The following DRP2 variants were observed in gnomAD, a reference collection of about 807,000 sequenced individuals.
DRP2 encodes dystrophin related protein 2.
DRP2 carries 29 observed loss-of-function variants against 78.2 expected under a neutral mutation model. The observed-to-expected ratio is 0.37, with a 90% CI of 0.28 to 0.51. DRP2 has a LOEUF of 0.51. DRP2 is among the 20% of genes least tolerant of loss of function. DRP2 has a pLI of 0.94. For missense variants in DRP2, 686 were observed against 770.6 expected (o/e 0.89, Z 1.30); for synonymous variants, 290 against 281.9 (o/e 1.03, Z -0.29).
At chrX:101,248,026 A>C (rs1922988891) in intron 12 of DRP2, 63 bp from the exon 13 acceptor site, 4 of 1,081,327 alleles carry the variant, frequency 3.7e-6, no homozygotes, top group Non-Finnish European at 5.1e-6. Flanking sequence ...TTATCTCCTT[A>C]TTTAATCCCT....
chrX:101,233,771 C>G (rs764649811), intron 3 of DRP2, among the ~76,000 whole-genome samples: 3 of 111,978 alleles, frequency 2.7e-5, no homozygotes, highest in Non-Finnish European at 5.7e-5. Flanking sequence ...ACACAGGAGC[C>G]TCCCTGGCAA....
intron 2 of DRP2, among the ~76,000 whole-genome samples, chrX:101,226,211 G>T (rs1395116679): frequency 8.9e-6 from 1 of 112,077 alleles, no homozygotes; most frequent in Non-Finnish European, 1.9e-5. Flanking sequence ...GAATTCCATT[G>T]TATGGATACA....
intron 3 of DRP2, among the ~76,000 whole-genome samples, chrX:101,232,713 G>A (rs992918585): frequency 3.6e-5 from 4 of 111,932 alleles, no homozygotes; most frequent in African/African-American, 9.7e-5. Context: ...TTACTGCCTC[G>A]AACATATTCT....
chrX:101,252,859 G>A, intron 17 of DRP2, 143 bp downstream of exon 17: 1 of 447,115 alleles, frequency 2.2e-6, no homozygotes, highest in South Asian at 5.1e-5. Flanking sequence ...CACTGGTTTG[G>A]GAAATTCAGG....
chrX:101,248,399 T>C, intron 13 of DRP2, 109 bp downstream of exon 13: 1 of 1,093,718 alleles, frequency 9.1e-7, no homozygotes, highest in Non-Finnish European at 1.2e-6. Flanking sequence ...CCAGCTCAGC[T>C]TGGGGCATGG....
chrX:101,235,138 G>A (rs761966071), intron 3 of DRP2, among the ~76,000 whole-genome samples: 1 of 111,579 alleles, frequency 9.0e-6, no homozygotes, highest in East Asian at 2.8e-4. Context: ...CCTTACCAGT[G>A]CCCAGGAGAG....
At chrX:101,258,244 A>T in intron 21 of DRP2, 65 bp from the exon 22 acceptor site, 1 of 1,006,998 alleles carries the variant, frequency 9.9e-7, no homozygotes, top group Non-Finnish European at 1.4e-6. Flanking sequence ...CTGAGGGGAC[A>T]TCTGAAACCT....
intron 1 of DRP2, among the ~76,000 whole-genome samples, chrX:101,221,319 C>A (rs141328011): frequency 3.4e-3 from 385 of 113,081 alleles, no homozygotes; most frequent in African/African-American, 0.012. Flanking sequence ...TCAGGTAAAT[C>A]ACCTTTTAAA....
chrX:101,241,569 C>T (rs886460618), intron 6 of DRP2, 99 bp from the exon 7 acceptor site: 20 of 933,634 alleles, frequency 2.1e-5, no homozygotes, highest in Middle Eastern at 2.9e-4. Context: ...CATGTGCACA[C>T]ACACATACAC....
At position 101,251,093 on chromosome X, in the gene DRP2, A is replaced by G. The variant is rs1434079984; in HGVS notation, c.1865+10A>G. 8.4e-7 allele frequency: 1 copy of G among 1,191,559 alleles called. No homozygotes were observed. The highest frequency in any genetic ancestry group is 1.8e-5 in the African/African-American group (1 of 56,759). On this transcript the variant is annotated intron_variant, in intron 16 of 23. Coordinates refer to ENST00000395209, the MANE Select transcript of DRP2 (RefSeq NM_001939.3). ...CCATCAAGGGGTTCAGGTAGGGAAAACAATACCTGCTGGGATGATAATAAT... is the reference window on the plus strand; with the variant it reads ...CCATCAAGGGGTTCAGGTAGGGAAAGCAATACCTGCTGGGATGATAATAAT...
chrX:101,256,221 G>A lies in DRP2; in HGVS notation c.2350G>A (p.Glu784Lys). Residue 784 changes from glutamate (E) to lysine (K), a missense_variant, in exon 21 of 24, where the codon GAG becomes AAG. Glu to Lys is a moderately conservative substitution (Grantham distance 56). Transcript: ENST00000395209. ...CAGTGTGGCCACAGAAAGCAAAGGG[G>A]AGCTACAGAAGATCCTGGCCCACTT... ...PCSVATESKG[E>K]LQKILAHLED... 2 of 1,205,076 alleles carry A rather than the reference G, an allele frequency of 1.7e-6. No individual in the cohort carries two copies.
intron 4 of DRP2, 64 bp from the exon 5 acceptor site, chrX:101,237,555 A>G (rs189483795): frequency 2.0e-6 from 2 of 1,002,815 alleles, no homozygotes; most frequent in African/African-American, 1.9e-5. Flanking sequence ...TTAGTTTGGA[A>G]AAAAAAATGT....
chrX:101,228,270 A>G (rs1287143870), intron 2 of DRP2, among the ~76,000 whole-genome samples: 2 of 112,680 alleles, frequency 1.8e-5, no homozygotes, highest in African/African-American at 3.2e-5. Context: ...TTTGATTTAT[A>G]AAAAAGAAGA....
At chrX:101,254,612 T>G (rs1178578347) in intron 18 of DRP2, 51 bp downstream of exon 18, 1 of 1,204,396 alleles carries the variant, frequency 8.3e-7, no homozygotes. Context: ...CTGAGCCCGA[T>G]CGTATGCTGT....
chrX:101,252,572 C>T, intron 16 of DRP2, 33 bp from the exon 17 acceptor site: 1 of 1,157,272 alleles, frequency 8.6e-7, no homozygotes, highest in South Asian at 1.8e-5. Flanking sequence ...GCACGTTGGA[C>T]TCTCTTTCCT....
chrX:101,239,927 C>T (rs1265171704), intron 6 of DRP2, among the ~76,000 whole-genome samples: 1 of 110,615 alleles, frequency 9.0e-6, no homozygotes, highest in African/African-American at 3.3e-5. Flanking sequence ...CCTGTAGTCC[C>T]AGCTACTTGA....
At chrX:101,259,993 G>A in intron 22 of DRP2, 56 bp from the exon 23 acceptor site, 1 of 1,202,492 alleles carries the variant, frequency 8.3e-7, no homozygotes, top group Non-Finnish European at 1.1e-6. Flanking sequence ...TCAGGAGTCT[G>A]TCAGAGTAAG....
At chrX:101,245,246 C>T (rs905013517) in intron 10 of DRP2, 142 bp from the exon 11 acceptor site, 3 of 812,213 alleles carry the variant, frequency 3.7e-6, no homozygotes, top group African/African-American at 4.1e-5. Flanking sequence ...TAAAGGTGAA[C>T]CCTTGGGCTT....
chrX:101,237,816 G>C (rs1922567090), intron 5 of DRP2, 41 bp downstream of exon 5: 4 of 1,058,541 alleles, frequency 3.8e-6, no homozygotes, highest in Non-Finnish European at 4.9e-6. Flanking sequence ...TAGCCTCTCA[G>C]CTGGGGAGGA....
Sources: gnomAD v4.1 joint callset for allele counts (sites outside exome capture counted in the v4.1 genomes callset) on GRCh38, gnomAD v4.1.1 for gene constraint, MANE v1.5 for transcripts, NCBI Gene and HGNC (gene_info 2026-07-23, HGNC 2026-07-21) for gene names.